Variants in EIF4E1B observed in about 807,000 individuals in gnomAD.
EIF4E1B encodes the protein eukaryotic translation initiation factor 4E type 1B.
In EIF4E1B, 22 loss-of-function variants were observed where a neutral mutation model predicts 31.3. That is an observed-to-expected ratio of 0.70 (90% CI 0.50 to 1.00). The LOEUF (loss-of-function observed/expected upper bound fraction) is 1.00. EIF4E1B is among the 50% of genes least tolerant of loss of function. The pLI, the probability that EIF4E1B is intolerant of heterozygous loss-of-function variation, is 0.00. For missense variants in EIF4E1B, 290 were observed against 311.6 expected (o/e 0.93, Z 0.52); for synonymous variants, 126 against 120.2 (o/e 1.05, Z -0.31).
intron 5 of EIF4E1B, chr5:176,644,127 T>C: frequency 5.2e-6 from 3 of 574,736 alleles, no homozygotes; most frequent in Non-Finnish European, 9.3e-6. Context: ...CGGCTGTAGC[T>C]GGAGGGGGGA....
At chr5:176,632,819 C>T (rs1760428601) in intron 1 of EIF4E1B, among the ~76,000 whole-genome samples, 1 of 152,252 alleles carries the variant, frequency 6.6e-6, no homozygotes, top group African/African-American at 2.4e-5. Context: ...GCAGAACCCA[C>T]CTTCCCCTCT....
chr5:176,641,190 G>A (rs760401178), intron 1 of EIF4E1B, among the ~76,000 whole-genome samples: 11 of 152,064 alleles, frequency 7.2e-5, no homozygotes, highest in African/African-American at 4.8e-5. Context: ...CTAGCCGGGC[G>A]TGGTGGTGCA....
chr5:176,643,859 C>CT (rs1316675173), intron 5 of EIF4E1B, 125 bp downstream of exon 5: 4 of 1,021,266 alleles, frequency 3.9e-6, no homozygotes, highest in Non-Finnish European at 5.7e-6. Flanking sequence ...TTTGTGGGTT[C>CT]TGCCCAGGGG....
chr5:176,637,738 G>A (rs529590878), intron 1 of EIF4E1B, among the ~76,000 whole-genome samples: 28 of 152,268 alleles, frequency 1.8e-4, no homozygotes, highest in African/African-American at 6.7e-4. Flanking sequence ...GAGGGAGGGA[G>A]AGGAGGGCTG....
intron 1 of EIF4E1B, among the ~76,000 whole-genome samples, chr5:176,634,673 CTTTTTTTTTTT>C (rs70991565): frequency 8.1e-6 from 1 of 123,036 alleles, no homozygotes; most frequent in African/African-American, 3.2e-5. Flanking sequence ...TTTTTTTTTT[CTTTTTTTTTTT>C]TTCGAGACAG....
At chr5:176,642,851 T>TCCAC (rs1554151009) in intron 3 of EIF4E1B, 49 bp downstream of exon 3, 1 of 998,544 alleles carries the variant, frequency 1.0e-6, no homozygotes, top group South Asian at 2.1e-5. Flanking sequence ...CCCCGCCCTC[T>TCCAC]CCCCCCCCCC....
chr5:176,642,682 G>C (rs1053819950), intron 2 of EIF4E1B, 28 bp from the exon 3 acceptor site: 67 of 1,511,210 alleles, frequency 4.4e-5, no homozygotes, highest in Non-Finnish European at 5.6e-5. Context: ...CCTTCGAGCA[G>C]GCTCCAAATA....
chr5:176,637,178 C>G (rs926310949), intron 1 of EIF4E1B, among the ~76,000 whole-genome samples: 2 of 152,190 alleles, frequency 1.3e-5, no homozygotes, highest in African/African-American at 4.8e-5. Flanking sequence ...GTGGCTCACC[C>G]CTGTAAGCCC....
intron 1 of EIF4E1B, among the ~76,000 whole-genome samples, chr5:176,640,878 A>G (rs1760564953): frequency 6.6e-6 from 1 of 152,114 alleles, no homozygotes; most frequent in Non-Finnish European, 1.5e-5. Flanking sequence ...ACTCCCAGAG[A>G]TGCCCTCCCC....
chr5:176,643,848 C>A, intron 5 of EIF4E1B, 114 bp downstream of exon 5: 1 of 1,135,716 alleles, frequency 8.8e-7, no homozygotes, highest in Non-Finnish European at 1.3e-6. Context: ...AGGGCTGGGG[C>A]TTTGTGGGTT....
rs373589667 is a variant in EIF4E1B at position 176,631,359 on chromosome 5, G to A, written c.-202+295G>A. On this transcript the variant is annotated intron_variant, in intron 1 of 8. Transcript: ENST00000318682. The stretch of plus-strand genomic sequence containing the variant: ...GGGACTGTCAAAATGATCACAGAAT[G>A]CCAGGCACACAGTAGGCCCTCAGTT... Among the ~76,000 whole-genome samples, 58 of 152,310 alleles carry A rather than the reference G, an allele frequency of 3.8e-4. 1 individual carries two copies. The East Asian group carries it at 7.9e-3, about 21-fold the overall frequency.
chr5:176,643,790 C>T (rs1760641806), intron 5 of EIF4E1B, 56 bp downstream of exon 5: 1 of 1,549,962 alleles, frequency 6.5e-7, no homozygotes, highest in Non-Finnish European at 8.8e-7. Flanking sequence ...TCTGGGCTCC[C>T]TCTCTCCGGG....
chr5:176,644,228 A>G, intron 5 of EIF4E1B, 148 bp from the exon 6 acceptor site: 1 of 778,820 alleles, frequency 1.3e-6, no homozygotes. Flanking sequence ...AGTTTGGATA[A>G]ACGGGAGTGG....
intron 1 of EIF4E1B, among the ~76,000 whole-genome samples, chr5:176,641,458 G>A (rs976116625): frequency 1.3e-5 from 2 of 152,182 alleles, no homozygotes; most frequent in African/African-American, 2.4e-5. Context: ...TCTGATACAC[G>A]CACCTAAGAA....
chr5:176,640,704 C>T (rs1280132582), intron 1 of EIF4E1B, among the ~76,000 whole-genome samples: 1 of 152,220 alleles, frequency 6.6e-6, no homozygotes, highest in Non-Finnish European at 1.5e-5. Flanking sequence ...ATTGCCTCCC[C>T]AGCCAGTCTG....
chr5:176,645,688 C>T lies in EIF4E1B; in HGVS notation c.614+172C>T, dbSNP rs552700374. ...CGTTCAGATTTCTAACTTTCTCTTA[C>T]GGCAGTGCAGCTCTCCTTTTGCATT... On this transcript the variant is annotated intron_variant, in intron 8 of 8. Coordinates refer to ENST00000318682, the MANE Select transcript of EIF4E1B (RefSeq NM_001099408.2). This position sits in a 1 kb window ranked among gnomAD's most constrained non-coding sequence, Gnocchi z 5.4. 3.8e-4 allele frequency: 438 copies of T among 1,160,668 alleles called. 1 individual carries two copies. The East Asian group carries it at 5.1e-3, about 13-fold the overall frequency. 71.9% of individuals were successfully genotyped at this position (1,160,668 alleles called of 1,614,324 possible).
At position 176,638,104 on chromosome 5, in the gene EIF4E1B, G is replaced by A. The variant is rs1760523108; in HGVS notation, c.-201-3939G>A. Among the ~76,000 whole-genome samples, 2 of 152,152 alleles carry A rather than the reference G, an allele frequency of 1.3e-5. No homozygotes were observed. Among genetic ancestry groups the A allele is most frequent in the African/African-American group, 2.4e-5 (1 of 41,412 alleles). ...GGTTGGAAGAACAAGTCTGGAGCGG[G>A]GCAGAGGAGGTGTCAGGAATTCATC... On this transcript the variant is annotated intron_variant, in intron 1 of 8. Transcript: ENST00000318682. This position sits in a 1 kb window ranked among gnomAD's most constrained non-coding sequence, Gnocchi z 4.3.
At chr5:176,640,086 ATG>A (rs879369213) in intron 1 of EIF4E1B, among the ~76,000 whole-genome samples, 4 of 152,126 alleles carry the variant, frequency 2.6e-5, no homozygotes, top group Non-Finnish European at 4.4e-5. Flanking sequence ...AGTGGGTCTG[ATG>A]TGGTGCCAGG....
Position 176,642,777 on chromosome 5 carries a change from G to A in EIF4E1B, c.-11G>A, listed in dbSNP as rs1479104693. On this transcript the variant is annotated 5_prime_UTR_variant, in exon 3 of 9. Coordinates refer to ENST00000318682, the MANE Select transcript of EIF4E1B (RefSeq NM_001099408.2). ...CCAGCCCCAGGCCTGCACGAAGAAG[G>A]CACTCACTAAATGCTTGCTGTTGAG... The A allele has an allele frequency of 3.8e-6, 6 of 1,558,604 alleles. No homozygotes were observed. The highest frequency in any genetic ancestry group is 1.9e-5 in the Admixed American group (1 of 52,370).
Sources: gnomAD v4.1 joint callset for allele counts (sites outside exome capture counted in the v4.1 genomes callset) on GRCh38, gnomAD v4.1.1 for gene constraint, Gnocchi (gnomAD v3.1) non-coding constraint, MANE v1.5 for transcripts, NCBI Gene and HGNC (gene_info 2026-07-23, HGNC 2026-07-21) for gene names.